Variants in USP34 observed in about 807,000 individuals in gnomAD.
The protein encoded by USP34 is ubiquitin carboxyl-terminal hydrolase 34.
A neutral mutation model predicts 460.3 loss-of-function variants in USP34; 70 were observed. The observed-to-expected ratio is 0.15, with a 90% CI of 0.13 to 0.19. USP34 has a LOEUF of 0.19. USP34 is among the 10% of genes least tolerant of loss of function. The pLI is 1.00. For synonymous variants in USP34, 1,647 were observed against 1,405.3 expected (o/e 1.17, Z -3.85); for missense variants, 3,985 against 4,236.2 (o/e 0.94, Z 1.65).
At chr2:61,385,533 G>A (rs1693111997) in intron 5 of USP34, among the ~76,000 whole-genome samples, 2 of 151,686 alleles carry the variant, frequency 1.3e-5, no homozygotes, top group Admixed American at 6.6e-5. Context: ...TTAGCCGGAC[G>A]TGGTGGCGGG....
At chr2:61,321,251 T>A (rs950341263) in intron 21 of USP34, among the ~76,000 whole-genome samples, 1 of 151,872 alleles carries the variant, frequency 6.6e-6, no homozygotes, top group Non-Finnish European at 1.5e-5. Context: ...GGCAGGCAGA[T>A]CATGAGGTCA....
chr2:61,235,725 A>T, intron 57 of USP34, 120 bp downstream of exon 57: 1 of 851,242 alleles, frequency 1.2e-6, no homozygotes, highest in Non-Finnish European at 1.8e-6. Flanking sequence ...GATTTTAAGA[A>T]TGACTTCCAT....
chr2:61,211,451 G>A (rs529948277), intron 69 of USP34, among the ~76,000 whole-genome samples: 19 of 152,292 alleles, frequency 1.2e-4, no homozygotes, highest in African/African-American at 4.6e-4. Flanking sequence ...ATCCAAAGGT[G>A]CAGAAAACTT....
At chr2:61,416,240 T>C (rs1694189687) in intron 2 of USP34, among the ~76,000 whole-genome samples, 1 of 152,242 alleles carries the variant, frequency 6.6e-6, no homozygotes, top group East Asian at 1.9e-4. Flanking sequence ...GTGAACCACA[T>C]ACATTTAACC....
At chr2:61,460,800 T>C (rs1028557630) in intron 1 of USP34, among the ~76,000 whole-genome samples, 1 of 151,700 alleles carries the variant, frequency 6.6e-6, no homozygotes, top group African/African-American at 2.4e-5. Flanking sequence ...CTGGCCAACA[T>C]GGAGAAACTC....
chr2:61,248,261 G>A (rs1174265427), intron 49 of USP34, among the ~76,000 whole-genome samples: 1 of 144,700 alleles, frequency 6.9e-6, no homozygotes, highest in Non-Finnish European at 1.5e-5. Flanking sequence ...AGCTCCACAA[G>A]AGCAACAACC....
intron 20 of USP34, 88 bp downstream of exon 20, chr2:61,331,188 T>C (rs1169398944): frequency 7.2e-6 from 8 of 1,114,912 alleles, no homozygotes; most frequent in East Asian, 2.7e-5. Context: ...TTACTTATTA[T>C]ATGAAAAAAA....
At chr2:61,406,586 G>A (rs1693877460) in intron 2 of USP34, among the ~76,000 whole-genome samples, 1 of 151,802 alleles carries the variant, frequency 6.6e-6, no homozygotes, top group Non-Finnish European at 1.5e-5. Flanking sequence ...CTACTTGGGA[G>A]GGGTGCTCTG....
In USP34 at chr2:61,196,353, G is replaced by C. The variant is rs957968731; in HGVS notation, c.9509-3373C>G. 2.6e-5 allele frequency among the ~76,000 whole-genome samples: 4 copies of C among 151,034 alleles called. No homozygotes were observed. The South Asian group carries it at 8.3e-4, about 32-fold the overall frequency. On this transcript the variant is annotated intron_variant, in intron 75 of 79. Coordinates refer to ENST00000398571, the MANE Select transcript of USP34 (RefSeq NM_014709.4). ...GATCCACCCACCTTGACCTCCCAAA[G>C]TGCTGGGATTACAGGCGTGAGCCAC...
chr2:61,302,518 T>G (rs1459241997), intron 27 of USP34, among the ~76,000 whole-genome samples: 1 of 152,244 alleles, frequency 6.6e-6, no homozygotes, highest in Non-Finnish European at 1.5e-5. Flanking sequence ...CCCTCAATCT[T>G]GGCCCTCAAA....
intron 57 of USP34, among the ~76,000 whole-genome samples, chr2:61,234,657 T>C (rs1344566373): frequency 2.6e-5 from 4 of 152,188 alleles, no homozygotes; most frequent in East Asian, 1.9e-4. Context: ...TTTTGTTAAA[T>C]TGAGACAGAG....
At chr2:61,350,826 A>T (rs1691922793) in intron 10 of USP34, 133 bp from the exon 11 acceptor site, 3 of 846,098 alleles carry the variant, frequency 3.5e-6, no homozygotes, top group Non-Finnish European at 3.5e-6. Flanking sequence ...GTAAAATGCT[A>T]ATTATCTAAG....
At position 61,387,928 on chromosome 2, in the gene USP34, TACAC is replaced by T. The variant is rs36116916; in HGVS notation, c.754-4596_754-4593del. Among the ~76,000 whole-genome samples the T allele has an allele frequency of 5.4e-3, 770 of 142,636 alleles. 2 individuals carry two copies. The highest frequency in any genetic ancestry group is 7.2e-3 in the Non-Finnish European group (479 of 66,298). 93.6% of individuals were successfully genotyped at this position (142,636 alleles called of 152,430 possible). Reference sequence around the variant, plus strand: ...ATAAGCATATGTAAAAATATATTTATACACACACACACACACACACACACACACA... The same window carrying T: ...ATAAGCATATGTAAAAATATATTTATACACACACACACACACACACACACA... On this transcript the variant is annotated intron_variant, in intron 5 of 79. Coordinates refer to ENST00000398571, the MANE Select transcript of USP34 (RefSeq NM_014709.4).
chr2:61,351,133 G>A (rs775032181), intron 10 of USP34, among the ~76,000 whole-genome samples: 21 of 152,062 alleles, frequency 1.4e-4, no homozygotes, highest in South Asian at 1.0e-3. Flanking sequence ...CGGCTATGGT[G>A]GGAAGATCTC....
chr2:61,396,743 C>A (rs958127768), intron 3 of USP34, among the ~76,000 whole-genome samples: 2 of 152,120 alleles, frequency 1.3e-5, no homozygotes, highest in African/African-American at 4.8e-5. Flanking sequence ...CCGCCTCGGC[C>A]TCCCAAAGTG....
chr2:61,407,220 A>G (rs1260478499), intron 2 of USP34, among the ~76,000 whole-genome samples: 4 of 152,120 alleles, frequency 2.6e-5, no homozygotes, highest in Non-Finnish European at 4.4e-5. Flanking sequence ...GCCCATCTCT[A>G]CAAAAACATA....
At chr2:61,455,255 T>C (rs1298983551) in intron 1 of USP34, among the ~76,000 whole-genome samples, 1 of 152,112 alleles carries the variant, frequency 6.6e-6, no homozygotes, top group Non-Finnish European at 1.5e-5. Flanking sequence ...CTCAGCTCAC[T>C]GCAACCTCCG....
chr2:61,385,254 A>G (rs538662523), intron 5 of USP34, among the ~76,000 whole-genome samples: 1 of 152,352 alleles, frequency 6.6e-6, no homozygotes, highest in South Asian at 2.1e-4. Context: ...GACATTTGCC[A>G]TATTTATTGT....
intron 5 of USP34, among the ~76,000 whole-genome samples, chr2:61,393,938 C>T (rs1401354298): frequency 6.6e-6 from 1 of 152,020 alleles, no homozygotes; most frequent in Non-Finnish European, 1.5e-5. Flanking sequence ...GAGTTTGAGA[C>T]CAGCCTGGCC....
Sources: allele counts gnomAD v4.1 joint callset (sites outside exome capture counted in the v4.1 genomes callset), GRCh38; gene constraint gnomAD v4.1.1; transcripts MANE v1.5; gene names NCBI Gene and HGNC (gene_info 2026-07-23, HGNC 2026-07-21).